Variants in SYNPR observed in about 807,000 individuals in gnomAD.
The protein encoded by SYNPR is synaptoporin.
SYNPR carries 23 observed loss-of-function variants against 32.9 expected under a neutral mutation model. That is an observed-to-expected ratio of 0.70 (90% confidence interval 0.50 to 0.99). SYNPR has a LOEUF of 0.99. SYNPR is among the 50% of genes least tolerant of loss of function. The pLI is 0.00. For synonymous variants in SYNPR, 146 were observed against 135.9 expected, an observed-to-expected ratio of 1.07 and a Z score of -0.52; for missense variants, 318 against 349.3, an observed-to-expected ratio of 0.91 and a Z score of 0.71.
chr3:63,514,760 T>C (rs2106760383), intron 3 of SYNPR, among the ~76,000 whole-genome samples: 1 of 152,280 alleles, frequency 6.6e-6, no homozygotes, highest in South Asian at 2.1e-4. Context: ...TAGCTTTTTC[T>C]CCAAGCTCTT....
intron 3 of SYNPR, among the ~76,000 whole-genome samples, chr3:63,550,717 G>A (rs796321104): frequency 1.3e-5 from 2 of 152,184 alleles, no homozygotes; most frequent in African/African-American, 4.8e-5. Flanking sequence ...GTGCAGCCTG[G>A]CACCTGGAAA....
At chr3:63,500,365 G>C (rs886149129) in intron 3 of SYNPR, among the ~76,000 whole-genome samples, 1 of 152,080 alleles carries the variant, frequency 6.6e-6, no homozygotes, top group Non-Finnish European at 1.5e-5. Flanking sequence ...CCAGGGTTAC[G>C]AGATCTGACT....
At chr3:63,362,349 A>G (rs1394937158) in intron 2 of SYNPR, among the ~76,000 whole-genome samples, 2 of 152,198 alleles carry the variant, frequency 1.3e-5, no homozygotes, top group African/African-American at 4.8e-5. Flanking sequence ...ATTCAAGCCT[A>G]TCCTGACCCA....
intron 3 of SYNPR, among the ~76,000 whole-genome samples, chr3:63,485,974 C>G (rs905052305): frequency 6.6e-6 from 1 of 152,208 alleles, no homozygotes; most frequent in Non-Finnish European, 1.5e-5. Context: ...AATCACTGTT[C>G]TAGATAATTA....
At chr3:63,520,604 C>T (rs1458020962) in intron 3 of SYNPR, among the ~76,000 whole-genome samples, 3 of 150,910 alleles carry the variant, frequency 2.0e-5, no homozygotes, top group Admixed American at 6.6e-5. Context: ...ACCCAGGAGG[C>T]GGAGGTTGCA....
intron 4 of SYNPR, among the ~76,000 whole-genome samples, chr3:63,566,984 C>A (rs1159125400): frequency 1.3e-5 from 2 of 152,202 alleles, no homozygotes; most frequent in Admixed American, 6.5e-5. Flanking sequence ...GGTACACACT[C>A]TATTGACTTT....
chr3:63,382,034 C>T (rs1379300224), intron 2 of SYNPR, among the ~76,000 whole-genome samples: 1 of 152,186 alleles, frequency 6.6e-6, no homozygotes, highest in Non-Finnish European at 1.5e-5. Flanking sequence ...TTTTTTTAAA[C>T]ATTTCTTTTA....
rs940664534 is a variant in SYNPR, at chr3:63,409,562, G to A, written c.85-71270G>A. Reference sequence around the variant, plus strand: ...AAGATGTACAGTGAGGACCATGGTGGTCAAGTTCTCCTAAAATTCACACAC... The same window carrying A: ...AAGATGTACAGTGAGGACCATGGTGATCAAGTTCTCCTAAAATTCACACAC... On this transcript the variant is annotated intron_variant, in intron 2 of 5. Coordinates refer to ENST00000478300, the MANE Select transcript of SYNPR (RefSeq NM_001130003.2). 3.3e-5 allele frequency among the ~76,000 whole-genome samples: 5 copies of A among 152,220 alleles called. No homozygotes were observed. In the South Asian group the frequency reaches 1.0e-3, roughly 32 times the overall value.
chr3:63,269,176 G>A (rs2086513921), intron 3 of SYNPR, among the ~76,000 whole-genome samples: 1 of 152,186 alleles, frequency 6.6e-6, no homozygotes, highest in Admixed American at 6.5e-5. Flanking sequence ...AAACAAATAT[G>A]TGTACAACTG....
At chr3:63,434,945 G>C (rs1243055820) in intron 2 of SYNPR, among the ~76,000 whole-genome samples, 1 of 152,200 alleles carries the variant, frequency 6.6e-6, no homozygotes, top group African/African-American at 2.4e-5. Flanking sequence ...CAGGACGGCA[G>C]AAAGAGTGAA....
At chr3:63,313,401 A>C (rs2086990271) in intron 2 of SYNPR, among the ~76,000 whole-genome samples, 1 of 151,504 alleles carries the variant, frequency 6.6e-6, no homozygotes, top group Non-Finnish European at 1.5e-5. Flanking sequence ...AATCCATTGT[A>C]TTATTCTTAC....
At chr3:63,352,668 A>T (rs1029405524) in intron 2 of SYNPR, among the ~76,000 whole-genome samples, 3 of 152,216 alleles carry the variant, frequency 2.0e-5, no homozygotes, top group Non-Finnish European at 4.4e-5. Context: ...GCTGCTAATA[A>T]ATAAATACCC....
rs189938239 is a variant in SYNPR, at chr3:63,559,556, A to G, written c.408+2815A>G. Among the ~76,000 whole-genome samples, 73 of 152,356 alleles carry G rather than the reference A, an allele frequency of 4.8e-4. 1 individual carries two copies. The highest frequency in any genetic ancestry group is 1.5e-3 in the African/African-American group (63 of 41,578). The stretch of plus-strand genomic sequence containing the variant: ...TTATAGAGATCTGAACCTTAAAACA[A>G]TAAATTTTGAAGGATAACTGGGAGA... On this transcript the variant is annotated intron_variant, in intron 4 of 5. Coordinates refer to ENST00000478300, the MANE Select transcript of SYNPR (RefSeq NM_001130003.2).
At chr3:63,232,287 C>T (rs972279775) in intron 1 of SYNPR, among the ~76,000 whole-genome samples, 45 of 147,642 alleles carry the variant, frequency 3.0e-4, no homozygotes, top group Non-Finnish European at 1.0e-4. Flanking sequence ...CTGCAACCTC[C>T]CCGTCCCAGG....
Position 63,494,840 on chromosome 3 carries a change from G to A in SYNPR, c.209+13884G>A, listed in dbSNP as rs983549892. Reference sequence around the variant, plus strand: ...ATGCCCTTCACCACCATACTGTAAAGAGCAGCAATGATGCCCTTGAGTTGA... The same window carrying A: ...ATGCCCTTCACCACCATACTGTAAAAAGCAGCAATGATGCCCTTGAGTTGA... On this transcript the variant is annotated intron_variant, in intron 3 of 5. Transcript: ENST00000478300. 2.6e-5 allele frequency among the ~76,000 whole-genome samples: 4 copies of A among 152,060 alleles called. 1 individual carries two copies. The highest frequency in any genetic ancestry group is 4.4e-5 in the Non-Finnish European group (3 of 68,004).
intron 2 of SYNPR, chr3:63,267,246 A>G (rs2086497856): frequency 6.6e-6 from 1 of 152,202 alleles, no homozygotes; most frequent in South Asian, 2.1e-4. Context: ...TTGTTGGGGA[A>G]AAGGATACAT....
the SYNPR span, among the ~76,000 whole-genome samples, chr3:63,211,039 T>C: frequency 6.6e-6 from 1 of 152,310 alleles, no homozygotes; most frequent in East Asian, 1.9e-4. Flanking sequence ...GATTTGTTTC[T>C]ATAAATTAGG....
intron 4 of SYNPR, among the ~76,000 whole-genome samples, chr3:63,560,919 C>T (rs370008458): frequency 2.1e-4 from 32 of 152,190 alleles, no homozygotes; most frequent in African/African-American, 7.7e-4. Flanking sequence ...ATATCAACTA[C>T]TGATCATTAT....
At chr3:63,591,901 C>A (rs1416541356) in intron 4 of SYNPR, among the ~76,000 whole-genome samples, 1 of 144,488 alleles carries the variant, frequency 6.9e-6, no homozygotes, top group African/African-American at 2.6e-5. Context: ...GGCACATGTA[C>A]CCTAAAACTT....
Sources: allele counts gnomAD v4.1 joint callset (sites outside exome capture counted in the v4.1 genomes callset), GRCh38; gene constraint gnomAD v4.1.1; transcripts MANE v1.5; gene names NCBI Gene and HGNC (gene_info 2026-07-23, HGNC 2026-07-21).